The following MIER2 variants were observed in gnomAD, a reference collection of about 807,000 sequenced individuals.
MIER2 encodes MIER family member 2, also known as mesoderm induction early response protein 2.
A neutral mutation model predicts 67.6 loss-of-function variants in MIER2; 30 were observed. The ratio of observed to expected loss-of-function variants is 0.44; its 90% CI spans 0.33 to 0.60. The LOEUF (loss-of-function observed/expected upper bound fraction) is 0.60, where lower values mean the gene tolerates loss of function less well. Among genes scored for constraint, MIER2 ranks in the 20% least tolerant of loss-of-function variants. MIER2 has a pLI of 0.02. For synonymous variants in MIER2, 372 were observed against 312.6 expected, an observed-to-expected ratio of 1.19 and a Z score of -2.00; for missense variants, 702 against 745.1, an observed-to-expected ratio of 0.94 and a Z score of 0.67.
chr19:336,056 G>C (rs752784492), intron 2 of MIER2, 27 bp downstream of exon 2: 2 of 1,607,096 alleles, frequency 1.2e-6, no homozygotes, highest in Admixed American at 1.7e-5. Context: ...TGGCGGACCT[G>C]AGCAGGGGAA....
intron 7 of MIER2, among the ~76,000 whole-genome samples, chr19:314,928 G>T (rs947295750): frequency 6.6e-6 from 1 of 151,934 alleles, no homozygotes; most frequent in Non-Finnish European, 1.5e-5. Context: ...TTCAAATGTA[G>T]TACAGGCACG....
intron 5 of MIER2, 167 bp downstream of exon 5, chr19:326,966 T>C: frequency 1.1e-6 from 1 of 920,348 alleles, no homozygotes. Context: ...CTGGCCAGCG[T>C]GGAGGAGAAC....
rs1600107978 is a variant in MIER2 at position 308,970 on chromosome 19, C to T, written c.985-45G>A. The T allele has an allele frequency of 6.3e-7, 1 of 1,576,394 alleles. No homozygotes were observed. Among genetic ancestry groups the T allele is most frequent in the Admixed American group, 1.7e-5 (1 of 57,942 alleles). ...GCCATCTCTGTCCCCGGCTGCCCAG[C>T]CCCAGCACCTGCACCACGATCCCAG... is the stretch of plus-strand genomic sequence containing the variant. On this transcript the variant is annotated intron_variant, in intron 10 of 13. Transcript: ENST00000264819. The surrounding 1 kb of genome is among the most constrained non-coding windows in gnomAD (Gnocchi z 9.1).
At chr19:325,909 C>T (rs911253743) in intron 6 of MIER2, among the ~76,000 whole-genome samples, 2 of 152,214 alleles carry the variant, frequency 1.3e-5, no homozygotes, top group African/African-American at 4.8e-5. Flanking sequence ...GAGGCTGTGT[C>T]CTGACGCCTG....
At chr19:318,731 G>T (rs996315913) in intron 7 of MIER2, among the ~76,000 whole-genome samples, 1 of 152,190 alleles carries the variant, frequency 6.6e-6, no homozygotes, top group Non-Finnish European at 1.5e-5. Context: ...CACGGAGTAT[G>T]TTTTCTGACC....
At chr19:343,890 A>G in intron 1 of MIER2, 5 of 985,394 alleles carry the variant, frequency 5.1e-6, no homozygotes, top group Non-Finnish European at 6.0e-6. Context: ...CAAAATCAAA[A>G]AAAGCTTCAA....
chr19:339,428 G>T (rs1431100036), intron 1 of MIER2, among the ~76,000 whole-genome samples: 1 of 152,156 alleles, frequency 6.6e-6, no homozygotes, highest in Non-Finnish European at 1.5e-5. Flanking sequence ...AATAAAAACT[G>T]TGCTCAAAAA....
chr19:313,718 G>A, intron 7 of MIER2, 75 bp from the exon 8 acceptor site: 1 of 1,549,138 alleles, frequency 6.5e-7, no homozygotes, highest in Non-Finnish European at 8.7e-7. Flanking sequence ...AAGCAAAGCA[G>A]CCAACTCAGC....
chr19:332,323 GAC>G lies in MIER2; in HGVS notation c.243+2075_243+2076del, dbSNP rs530767746. On this transcript the variant is annotated intron_variant, in intron 3 of 13. Coordinates refer to ENST00000264819, the MANE Select transcript of MIER2 (RefSeq NM_017550.3). ...ATGTCAATTTTTTTTGTTTTTTTGAGACACAGTCTTGCTCTGTCCCCCAGGCT... is the reference window on the plus strand; with the variant it reads ...ATGTCAATTTTTTTTGTTTTTTTGAGACAGTCTTGCTCTGTCCCCCAGGCT... 8.6e-4 allele frequency among the ~76,000 whole-genome samples: 130 copies of G among 151,926 alleles called. 1 individual carries two copies. The highest frequency in any genetic ancestry group is 2.8e-3 in the African/African-American group (116 of 41,424).
rs900781812 is a variant in MIER2, at chr19:344,784, G to C, written c.-2C>G. 8.4e-6 allele frequency: 10 copies of C among 1,196,016 alleles called. No homozygotes were observed. The African/African-American group carries it at 1.6e-4, about 19-fold the overall frequency. The allele number at this position is 1,196,016 out of a possible 1,614,324, so 74.1% of individuals were successfully genotyped here. On this transcript the variant is annotated 5_prime_UTR_variant, in exon 1 of 14. Coordinates refer to ENST00000264819, the MANE Select transcript of MIER2 (RefSeq NM_017550.3). ...GGCCCGCTCACTCACCTCCGCCATGGCCGTGTGTGCGCGGGAGGCGGTGGC... is the reference window on the plus strand; with the variant it reads ...GGCCCGCTCACTCACCTCCGCCATGCCCGTGTGTGCGCGGGAGGCGGTGGC...
intron 10 of MIER2, among the ~76,000 whole-genome samples, chr19:310,085 C>T (rs966414663): frequency 6.6e-6 from 1 of 152,218 alleles, no homozygotes; most frequent in Non-Finnish European, 1.5e-5. Flanking sequence ...AGAAGGGACA[C>T]ACAGCAAGTG....
rs527276756 is a variant in MIER2 at position 333,180 on chromosome 19, T to C, written c.243+1220A>G. ...GCTAATTTTGTTTTTGTATTTTTAG[T>C]AGAGACGGGGTTTCACCATGTTGGC... is the stretch of plus-strand genomic sequence containing the variant. On this transcript the variant is annotated intron_variant, in intron 3 of 13. Coordinates refer to ENST00000264819, the MANE Select transcript of MIER2 (RefSeq NM_017550.3). Among the ~76,000 whole-genome samples the C allele has an allele frequency of 1.8e-4, 18 of 101,614 alleles. 5 individuals carry two copies. In the South Asian group the frequency reaches 4.6e-3, roughly 26 times the overall value. The allele number at this position is 101,614 out of a possible 152,430, so 66.7% of individuals were successfully genotyped here. A position where few individuals can be genotyped will look rare whatever the true frequency, so the allele number is the denominator to read the frequency against.
At chr19:313,470 TC>T in intron 8 of MIER2, 21 bp downstream of exon 8, 2 of 1,605,820 alleles carry the variant, frequency 1.2e-6, no homozygotes, top group Non-Finnish European at 8.5e-7. Context: ...AGCCCCTCTG[TC>T]CCCGGCATGG....
chr19:340,657 T>C (rs1972463823), intron 1 of MIER2: 1 of 152,072 alleles, frequency 6.6e-6, no homozygotes, highest in African/African-American at 2.4e-5. Flanking sequence ...AAGTGACCCA[T>C]GCAGTTCAAA....
At chr19:329,387 A>C (rs920041299) in intron 3 of MIER2, among the ~76,000 whole-genome samples, 1 of 152,186 alleles carries the variant, frequency 6.6e-6, no homozygotes, top group Non-Finnish European at 1.5e-5. Flanking sequence ...GAACCTCTCC[A>C]TAGTAGCCCA....
At chr19:325,753 G>T in intron 6 of MIER2, 49 bp from the exon 7 acceptor site, 1 of 1,604,530 alleles carries the variant, frequency 6.2e-7, no homozygotes, top group East Asian at 2.2e-5. Flanking sequence ...CATCTAGGCC[G>T]GGCGGGAGGC....
Position 306,171 on chromosome 19 carries a change from G to A in MIER2, c.*519C>T, listed in dbSNP as rs781172463. Reference sequence around the variant, plus strand: ...TATGGCTCTGTGCCCCACGGGGTTGGCACTGAGTAGCAGCTGCCCACGACC... The same window carrying A: ...TATGGCTCTGTGCCCCACGGGGTTGACACTGAGTAGCAGCTGCCCACGACC... On this transcript the variant is annotated 3_prime_UTR_variant, in exon 14 of 14. Transcript: ENST00000264819. The A allele has an allele frequency of 3.0e-4, 50 of 164,924 alleles. No individual in the cohort carries two copies. Among genetic ancestry groups the A allele is most frequent in the Non-Finnish European group, 2.7e-4 (21 of 76,704 alleles). 10.2% of individuals were successfully genotyped at this position (164,924 alleles called of 1,614,324 possible). A position where few individuals can be genotyped will look rare whatever the true frequency, so the allele number is the denominator to read the frequency against.
intron 13 of MIER2, among the ~76,000 whole-genome samples, 166 bp from the exon 14 acceptor site, chr19:306,877 GGT>G (rs1398776325): frequency 1.3e-5 from 2 of 152,226 alleles, no homozygotes; most frequent in Non-Finnish European, 2.9e-5. Flanking sequence ...CTGGAGCAGG[GGT>G]GGGACAGCCT....
At chr19:307,559 G>A (rs756717515) in intron 12 of MIER2, 23 bp from the exon 13 acceptor site, 7 of 1,488,996 alleles carry the variant, frequency 4.7e-6, no homozygotes, top group Non-Finnish European at 6.2e-6. Context: ...ACGCAACAGA[G>A]GGTGGGGCCT....
Sources: allele counts gnomAD v4.1 joint callset (sites outside exome capture counted in the v4.1 genomes callset), GRCh38; gene constraint gnomAD v4.1.1; non-coding constraint Gnocchi (gnomAD v3.1); transcripts MANE v1.5; gene names NCBI Gene and HGNC (gene_info 2026-07-23, HGNC 2026-07-21).